Variants in RIMKLB observed in about 807,000 individuals in gnomAD.
The protein encoded by RIMKLB is ribosomal modification protein rimK like family member B, also known as beta-citrylglutamate synthase B.
In RIMKLB, 7 loss-of-function variants were observed where a neutral mutation model predicts 32.0. The observed-to-expected ratio is 0.22, with a 90% confidence interval of 0.12 to 0.41. RIMKLB has a LOEUF of 0.41. RIMKLB is among the 10% of genes least tolerant of loss of function. The pLI is 1.00. For synonymous variants in RIMKLB, 172 were observed against 185.1 expected, an observed-to-expected ratio of 0.93 and a Z score of 0.57; for missense variants, 289 against 498.7, an observed-to-expected ratio of 0.58 and a Z score of 4.00.
intron 2 of RIMKLB, among the ~76,000 whole-genome samples, chr12:8,749,377 G>C (rs1330325997): frequency 6.6e-6 from 1 of 152,040 alleles, no homozygotes; most frequent in Non-Finnish European, 1.5e-5. Context: ...CACCCAGTTA[G>C]TTTTTGTATT....
At position 8,733,844 on chromosome 12, in the gene RIMKLB, ACTCTAGCCTGGGT is replaced by A. The variant is rs1200385428; in HGVS notation, c.176-16017_176-16005del. 2.0e-5 allele frequency among the ~76,000 whole-genome samples: 3 copies of A among 152,202 alleles called. No individual in the cohort carries two copies. In the East Asian group the frequency reaches 5.8e-4, roughly 29 times the overall value. On this transcript the variant is annotated intron_variant, in intron 2 of 5. Coordinates refer to ENST00000535829, the MANE Select transcript of RIMKLB (RefSeq NM_001297776.2). ...GGCTGAAGTGAGCTATGACCATTGCACTCTAGCCTGGGTGACACAGTGAGACCCTGTCTCTGGA... is the reference window on the plus strand; with the variant it reads ...GGCTGAAGTGAGCTATGACCATTGCAGACACAGTGAGACCCTGTCTCTGGA...
At chr12:8,749,401 G>A (rs1164350991) in intron 2 of RIMKLB, among the ~76,000 whole-genome samples, 4 of 152,088 alleles carry the variant, frequency 2.6e-5, no homozygotes, top group African/African-American at 9.7e-5. Flanking sequence ...AGTAGAGTTG[G>A]GGTTTCACCA....
intron 5 of RIMKLB, among the ~76,000 whole-genome samples, chr12:8,760,303 A>G (rs942161791): frequency 2.0e-5 from 3 of 152,216 alleles, no homozygotes; most frequent in Admixed American, 2.0e-4. Context: ...ATAGTATTCC[A>G]TGGTGTATAT....
chr12:8,737,427 A>C (rs780008856), intron 2 of RIMKLB, among the ~76,000 whole-genome samples: 1 of 152,144 alleles, frequency 6.6e-6, no homozygotes, highest in Non-Finnish European at 1.5e-5. Flanking sequence ...AATTCTTTAG[A>C]TCAGGAGGCA....
chr12:8,693,837 G>T (rs1368152032), upstream of RIMKLB, among the ~76,000 whole-genome samples: 1 of 152,154 alleles, frequency 6.6e-6, no homozygotes, highest in Non-Finnish European at 1.5e-5. Flanking sequence ...CTTTACCCTG[G>T]CTGTGTATTA....
At chr12:8,726,733 CG>C (rs1946047124) in intron 2 of RIMKLB, among the ~76,000 whole-genome samples, 1 of 150,956 alleles carries the variant, frequency 6.6e-6, no homozygotes, top group Admixed American at 6.6e-5. Context: ...ATAGATGGCA[CG>C]TAGTTGGGTC....
chr12:8,754,962 T>G (rs1433664942), intron 5 of RIMKLB, among the ~76,000 whole-genome samples: 1 of 151,972 alleles, frequency 6.6e-6, no homozygotes, highest in Non-Finnish European at 1.5e-5. Context: ...TCTAATTATT[T>G]TATTTTTTGA....
At chr12:8,717,057 C>CTTTTTTTTTTTTTTTTTTT (rs558195222) in intron 2 of RIMKLB, among the ~76,000 whole-genome samples, 1 of 125,016 alleles carries the variant, frequency 8.0e-6, no homozygotes, top group African/African-American at 2.9e-5. Flanking sequence ...GAGGGTTTTT[C>CTTTTTTTTTTTTTTTTTTT]TTTTTTTTTT....
At chr12:8,777,215 C>CTTT (rs35828763), downstream of RIMKLB, 30,519 of 693,658 alleles carry the variant, frequency 0.044, 143 homozygotes, top group Middle Eastern at 0.047. Context: ...TGCTTGCTTT[C>CTTT]TTTTTTTTTT....
intron 7 of RIMKLB, among the ~76,000 whole-genome samples, chr12:8,782,732 C>T (rs780147862): frequency 6.6e-6 from 1 of 152,152 alleles, no homozygotes; most frequent in Non-Finnish European, 1.5e-5. Flanking sequence ...TCTTTGTTAA[C>T]TGAGCTCACC....
chr12:8,742,722 C>G (rs778682841), intron 2 of RIMKLB: 4 of 224,074 alleles, frequency 1.8e-5, no homozygotes, highest in African/African-American at 4.7e-5. Context: ...ACTGGAGCCA[C>G]TCCTGTTGCT....
intron 2 of RIMKLB, among the ~76,000 whole-genome samples, chr12:8,716,725 CTTTTT>C (rs71451981): frequency 3.2e-5 from 3 of 95,158 alleles, no homozygotes; most frequent in Admixed American, 2.4e-4. Flanking sequence ...TCTTTTCCTT[CTTTTT>C]TTTTTTTTTT....
At chr12:8,739,828 T>G (rs1000865344) in intron 2 of RIMKLB, among the ~76,000 whole-genome samples, 1 of 152,192 alleles carries the variant, frequency 6.6e-6, no homozygotes, top group Non-Finnish European at 1.5e-5. Context: ...TACCTCCTTG[T>G]GTCATCACAT....
At chr12:8,717,338 A>G (rs1305607649) in intron 2 of RIMKLB, among the ~76,000 whole-genome samples, 1 of 152,176 alleles carries the variant, frequency 6.6e-6, no homozygotes, top group African/African-American at 2.4e-5. Flanking sequence ...GTTACACGTC[A>G]TTTACACATT....
At chr12:8,764,609 C>T (rs1949802394) in intron 5 of RIMKLB, among the ~76,000 whole-genome samples, 3 of 152,050 alleles carry the variant, frequency 2.0e-5, no homozygotes, top group Admixed American at 6.5e-5. Flanking sequence ...CCTCCTGGCC[C>T]TCAATGGTCA....
intron 1 of RIMKLB, among the ~76,000 whole-genome samples, chr12:8,702,193 A>G (rs1003762026): frequency 3.9e-5 from 6 of 152,232 alleles, no homozygotes; most frequent in African/African-American, 1.2e-4. Context: ...ACATCAGGGA[A>G]TAAAATGGTT....
chr12:8,777,107 T>C lies in RIMKLB; in HGVS notation c.*3323T>C. Reference sequence around the variant, plus strand: ...CCACTGCTGCTACTGTTTTTATTTGTTTGTTTGTTCAATTTTATTTAAGAT... The same window carrying C: ...CCACTGCTGCTACTGTTTTTATTTGCTTGTTTGTTCAATTTTATTTAAGAT... On this transcript the variant is annotated 3_prime_UTR_variant, in exon 6 of 6. Coordinates refer to ENST00000535829, the MANE Select transcript of RIMKLB (RefSeq NM_001297776.2). 1.0e-6 allele frequency: 1 copy of C among 985,854 alleles called. No homozygotes were observed. Among genetic ancestry groups the C allele is most frequent in the African/African-American group, 1.7e-5 (1 of 57,296 alleles). 61.1% of individuals were successfully genotyped at this position (985,854 alleles called of 1,614,324 possible). A position where few individuals can be genotyped will look rare whatever the true frequency, so the allele number is the denominator to read the frequency against.
intron 1 of RIMKLB, among the ~76,000 whole-genome samples, chr12:8,705,476 C>CAA (rs10607711): frequency 0.022 from 2,360 of 105,266 alleles, 73 homozygotes; most frequent in African/African-American, 0.078. Context: ...GACTCCATCT[C>CAA]AAAAAAAAAA....
At position 8,776,495 on chromosome 12, in the gene RIMKLB, TATGTGTAATGATAAAATCTG is replaced by T; in HGVS notation, c.*2713_*2732del. ...TATGAGAGAGAATGTATATATCAAATATGTGTAATGATAAAATCTGAATTGTAAAATTTTTGTATATTGTT... is the reference window on the plus strand; with the variant it reads ...TATGAGAGAGAATGTATATATCAAATAATTGTAAAATTTTTGTATATTGTT... On this transcript the variant is annotated 3_prime_UTR_variant, in exon 6 of 6. Coordinates refer to ENST00000535829, the MANE Select transcript of RIMKLB (RefSeq NM_001297776.2). 5.6e-6 allele frequency: 4 copies of T among 714,094 alleles called. No homozygotes were observed. Among genetic ancestry groups the T allele is most frequent in the Non-Finnish European group, 6.9e-6 (4 of 582,724 alleles). 44.2% of individuals were successfully genotyped at this position (714,094 alleles called of 1,614,324 possible).
Sources: gnomAD v4.1 joint callset for allele counts (sites outside exome capture counted in the v4.1 genomes callset) on GRCh38, gnomAD v4.1.1 for gene constraint, MANE v1.5 for transcripts, NCBI Gene and HGNC (gene_info 2026-07-23, HGNC 2026-07-21) for gene names.